Variants in OGDH observed in about 807,000 individuals in gnomAD.
The protein encoded by OGDH is oxoglutarate dehydrogenase.
In OGDH, 38 loss-of-function variants were observed where a neutral mutation model predicts 116.6. The ratio of observed to expected loss-of-function variants is 0.33; its 90% CI spans 0.25 to 0.43. OGDH has a LOEUF of 0.43. OGDH is among the 20% of genes least tolerant of loss of function. The pLI is 1.00. For missense variants in OGDH, 825 were observed against 1,357.2 expected, an observed-to-expected ratio of 0.61 and a Z score of 6.16; for synonymous variants, 488 against 533.3, an observed-to-expected ratio of 0.92 and a Z score of 1.17.
intron 10 of OGDH, among the ~76,000 whole-genome samples, chr7:44,685,015 T>A (rs1162894018): frequency 6.6e-6 from 1 of 152,128 alleles, no homozygotes; most frequent in Non-Finnish European, 1.5e-5. Flanking sequence ...CATGAACTCC[T>A]GACCTCATGA....
intron 2 of OGDH, among the ~76,000 whole-genome samples, chr7:44,630,163 T>A (rs1043319602): frequency 6.6e-6 from 1 of 152,218 alleles, no homozygotes; most frequent in Non-Finnish European, 1.5e-5. Flanking sequence ...GTTATGGGCC[T>A]TTTCACTCTG....
chr7:44,682,086 A>C (rs1787951346), intron 10 of OGDH, among the ~76,000 whole-genome samples: 1 of 152,126 alleles, frequency 6.6e-6, no homozygotes, highest in African/African-American at 2.4e-5. Context: ...CTTTCTCTGC[A>C]AAAAAATTGA....
intron 9 of OGDH, among the ~76,000 whole-genome samples, chr7:44,680,251 TTC>T (rs1440476864): frequency 6.6e-6 from 1 of 151,992 alleles, no homozygotes; most frequent in Non-Finnish European, 1.5e-5. Context: ...AAGAAAATCA[TTC>T]TCTCTCTCCC....
intron 10 of OGDH, among the ~76,000 whole-genome samples, chr7:44,690,624 G>A (rs187820751): frequency 1.6e-4 from 24 of 152,294 alleles, no homozygotes; most frequent in South Asian, 1.2e-3. Flanking sequence ...TCCATCACAC[G>A]TGTGTGCACA....
chr7:44,632,447 T>G (rs1434554923), intron 2 of OGDH, among the ~76,000 whole-genome samples: 1 of 152,146 alleles, frequency 6.6e-6, no homozygotes, highest in African/African-American at 2.4e-5. Context: ...GGAGTACAGG[T>G]GCACACCACC....
intron 1 of OGDH, among the ~76,000 whole-genome samples, chr7:44,618,361 C>T (rs186092160): frequency 9.2e-5 from 14 of 152,282 alleles, no homozygotes; most frequent in African/African-American, 3.4e-4. Context: ...TTCATCCTCT[C>T]CTCCCAAAAA....
chr7:44,648,242 G>A (rs532997507), intron 4 of OGDH, among the ~76,000 whole-genome samples: 1 of 152,310 alleles, frequency 6.6e-6, no homozygotes, highest in Non-Finnish European at 1.5e-5. Flanking sequence ...GTGCAGTTGG[G>A]TCTCCTGATT....
rs774167358 is a variant in OGDH, at chr7:44,624,487, C to T, written c.144C>T (p.Pro48=). ...RCYSAPVAAE[P]FLSGTSSNYV... ...ATTCTGCACCTGTTGCTGCTGAGCC[C>T]TTTCTCAGTGGGACTAGTTCGAACT... is the stretch of plus-strand genomic sequence containing the variant. Residue 48 remains proline, a synonymous_variant, in exon 2 of 23, where the codon CCC becomes CCT. Coordinates refer to ENST00000222673, the MANE Select transcript of OGDH (RefSeq NM_002541.4). The T allele has an allele frequency of 6.2e-7, 1 of 1,613,810 alleles. No homozygotes were observed. The highest frequency in any genetic ancestry group is 1.1e-5 in the South Asian group (1 of 91,048).
intron 1 of OGDH, among the ~76,000 whole-genome samples, chr7:44,612,865 T>C (rs368594985): frequency 3.4e-5 from 5 of 147,368 alleles, no homozygotes; most frequent in African/African-American, 1.0e-4. Flanking sequence ...CTGGCTGTTT[T>C]TTTTCTTTTC....
At chr7:44,641,230 T>TC (rs1361464341) in intron 2 of OGDH, among the ~76,000 whole-genome samples, 2 of 139,310 alleles carry the variant, frequency 1.4e-5, no homozygotes, top group African/African-American at 2.7e-5. Context: ...TTTTTCTTTT[T>TC]TTTTTTTTTT....
At chr7:44,685,383 C>T (rs558899205) in intron 10 of OGDH, among the ~76,000 whole-genome samples, 1 of 152,242 alleles carries the variant, frequency 6.6e-6, no homozygotes, top group Admixed American at 6.5e-5. Flanking sequence ...TCTTTTTGTG[C>T]CTGGGCTATT....
At position 44,675,164 on chromosome 7, in the gene OGDH, C is replaced by T. The variant is rs766874997; in HGVS notation, c.936-14C>T. On this transcript the variant is annotated splice_polypyrimidine_tract_variant and intron_variant, in intron 7 of 22. Coordinates refer to ENST00000222673, the MANE Select transcript of OGDH (RefSeq NM_002541.4). ...CCTCAGGCTCTGCTCACCCTACTCG[C>T]CCATACGTTCCAGAGGGCGGCTGAA... 2 of 1,611,084 alleles carry T rather than the reference C, an allele frequency of 1.2e-6. No homozygotes were observed. Among genetic ancestry groups the T allele is most frequent in the Non-Finnish European group, 8.5e-7 (1 of 1,177,346 alleles).
At chr7:44,683,705 C>T (rs886873584) in intron 10 of OGDH, among the ~76,000 whole-genome samples, 5 of 152,148 alleles carry the variant, frequency 3.3e-5, no homozygotes, top group African/African-American at 1.2e-4. Flanking sequence ...TATCTTATAA[C>T]TTGTTTCATA....
chr7:44,677,479 G>T (rs975726133), intron 9 of OGDH, among the ~76,000 whole-genome samples: 3 of 152,112 alleles, frequency 2.0e-5, no homozygotes, highest in Non-Finnish European at 4.4e-5. Flanking sequence ...GGAGATGAAA[G>T]GTAAGAGCAA....
intron 2 of OGDH, among the ~76,000 whole-genome samples, chr7:44,628,907 G>A (rs562873471): frequency 6.6e-6 from 1 of 152,254 alleles, no homozygotes; most frequent in African/African-American, 2.4e-5. Flanking sequence ...GTCTGTCTCT[G>A]TGGTGGGCCC....
At chr7:44,702,087 A>AG (rs1032413195) in intron 20 of OGDH, among the ~76,000 whole-genome samples, 2 of 151,870 alleles carry the variant, frequency 1.3e-5, no homozygotes, top group African/African-American at 4.8e-5. Context: ...AAAAAAAAAA[A>AG]GTCCCATGAT....
intron 2 of OGDH, among the ~76,000 whole-genome samples, chr7:44,641,044 C>T (rs1472330657): frequency 6.7e-6 from 1 of 150,182 alleles, no homozygotes; most frequent in African/African-American, 2.4e-5. Flanking sequence ...TAGGCACACA[C>T]CACCACCCCC....
chr7:44,703,574 G>T (rs765267693), intron 20 of OGDH, among the ~76,000 whole-genome samples: 1 of 151,630 alleles, frequency 6.6e-6, no homozygotes, highest in Non-Finnish European at 1.5e-5. Context: ...ACAAAAATTA[G>T]CTGGGCATGG....
intron 12 of OGDH, among the ~76,000 whole-genome samples, chr7:44,695,186 C>G (rs1300451390): frequency 6.6e-6 from 1 of 152,098 alleles, no homozygotes; most frequent in Admixed American, 6.5e-5. Context: ...ACCTCCACCT[C>G]CTTACTTCAA....
Sources: allele counts gnomAD v4.1 joint callset (sites outside exome capture counted in the v4.1 genomes callset), GRCh38; gene constraint gnomAD v4.1.1; transcripts MANE v1.5; gene names NCBI Gene and HGNC (gene_info 2026-07-23, HGNC 2026-07-21).